SESTD1: variants seen among roughly 807,000 people sequenced by gnomAD.
SESTD1 encodes SEC14 and spectrin domain containing 1.
In SESTD1, 43 loss-of-function variants were observed where a neutral mutation model predicts 101.7. The observed-to-expected ratio is 0.42, with a 90% CI of 0.33 to 0.55. SESTD1 has a LOEUF of 0.55. Among genes scored for constraint, SESTD1 ranks in the 20% least tolerant of loss-of-function variants. The pLI is 0.07. For synonymous variants in SESTD1, 283 were observed against 286.8 expected (o/e 0.99, Z 0.13); for missense variants, 647 against 815.1 (o/e 0.79, Z 2.51).
intron 2 of SESTD1, among the ~76,000 whole-genome samples, chr2:179,185,096 T>C (rs1472491609): frequency 2.6e-5 from 4 of 151,874 alleles, no homozygotes; most frequent in Admixed American, 6.6e-5. Context: ...TCACACACCA[T>C]TGGAAAAAAT....
chr2:179,202,562 T>C, intron 1 of SESTD1, among the ~76,000 whole-genome samples: 1 of 135,100 alleles, frequency 7.4e-6, no homozygotes, highest in East Asian at 2.0e-4. Context: ...ACTTTCTGTG[T>C]CTAATTAAAT....
In SESTD1 at chr2:179,151,377, G is replaced by A. The variant is rs757979382; in HGVS notation, c.384C>T (p.Ser128=). ...CTATATAACGAGTCAATTTGTTGGC[G>A]GACACTAAAATAACCTATAAAAAGG... The part of the protein sequence containing the change: ...DRLGFEVILV[S]ANKLTRYIEP... The change falls in exon 6 of 18, where the codon TCC becomes TCT. Residue 128 remains serine, a synonymous_variant. Coordinates refer to ENST00000428443, the MANE Select transcript of SESTD1 (RefSeq NM_178123.5). The A allele has an allele frequency of 1.7e-5, 27 of 1,593,900 alleles. No individual in the cohort carries two copies. The highest frequency in any genetic ancestry group is 2.3e-5 in the South Asian group (2 of 86,090).
chr2:179,239,039 T>C (rs1236233929), intron 1 of SESTD1, among the ~76,000 whole-genome samples: 1 of 152,200 alleles, frequency 6.6e-6, no homozygotes, highest in Non-Finnish European at 1.5e-5. Context: ...AATGTTTGAT[T>C]TCTCTGCTGT....
chr2:179,115,855 G>A (rs2044619679), intron 15 of SESTD1, among the ~76,000 whole-genome samples: 1 of 151,704 alleles, frequency 6.6e-6, no homozygotes, highest in Non-Finnish European at 1.5e-5. Flanking sequence ...AAATTTCACT[G>A]GCCAGAAAGA....
At chr2:179,222,949 A>T (rs1047294149) in intron 1 of SESTD1, among the ~76,000 whole-genome samples, 2 of 152,180 alleles carry the variant, frequency 1.3e-5, no homozygotes, top group African/African-American at 4.8e-5. Flanking sequence ...ATTAATTTTA[A>T]ATAAACAAAA....
rs1191180928 is a variant in SESTD1, at chr2:179,209,973, G to A, written c.-25-18107C>T. On this transcript the variant is annotated intron_variant, in intron 1 of 17. Transcript: ENST00000428443. The stretch of plus-strand genomic sequence containing the variant: ...ATAGACCATTAATGAAATTAACCAC[G>A]AAAAGTAGAGAGAAGATCCAAATAA... Among the ~76,000 whole-genome samples the A allele has an allele frequency of 7.5e-5, 10 of 133,632 alleles. 2 individuals carry two copies. The highest frequency in any genetic ancestry group is 1.3e-4 in the Non-Finnish European group (8 of 62,284). 87.7% of individuals were successfully genotyped at this position (133,632 alleles called of 152,430 possible).
chr2:179,160,189 G>C (rs1314092613), intron 5 of SESTD1, among the ~76,000 whole-genome samples: 1 of 152,038 alleles, frequency 6.6e-6, no homozygotes, highest in Non-Finnish European at 1.5e-5. Context: ...CATCCTCAGA[G>C]AGCAATTATC....
At chr2:179,260,494 C>T (rs903047989) in intron 1 of SESTD1, among the ~76,000 whole-genome samples, 1 of 152,016 alleles carries the variant, frequency 6.6e-6, no homozygotes, top group Non-Finnish European at 1.5e-5. Flanking sequence ...TCAGCCTGGG[C>T]CACAGAGTGA....
In SESTD1 at chr2:179,151,278, C is replaced by G; in HGVS notation, c.483G>C (p.Leu161=). The G allele has an allele frequency of 6.4e-7, 1 of 1,572,600 alleles. No individual in the cohort carries two copies. Among genetic ancestry groups the G allele is most frequent in the Non-Finnish European group, 8.6e-7 (1 of 1,160,582 alleles). Residue 161 remains leucine (L), a splice_region_variant and synonymous_variant, in exon 6 of 18, where the codon CTG becomes CTC. Transcript: ENST00000428443. ...TTTTATCTCATTGTAATATACCAAC[C>G]AGCCTCTTATTTAACCAGTCCATGT... ...YDHMDWLNKR[L]VFEKFTKEST... is the part of the protein sequence containing the mutation.
chr2:179,153,046 T>C (rs1161419622), intron 5 of SESTD1, among the ~76,000 whole-genome samples: 1 of 152,108 alleles, frequency 6.6e-6, no homozygotes, highest in Non-Finnish European at 1.5e-5. Context: ...AAATAAATAA[T>C]GGTAACAACA....
rs763273401 is a variant in SESTD1, at chr2:179,121,864, A to G, written c.1348T>C (p.Ser450Pro). The change falls in exon 13 of 18, where the codon TCC becomes CCC. Residue 450 changes from serine to proline, a missense_variant. By Grantham distance (74) the Ser-to-Pro change is moderately conservative. Transcript: ENST00000428443. ...GLLDQISNQASWAYGKDVTIE... is the reference protein window; with the variant it reads ...GLLDQISNQAPWAYGKDVTIE... ...GTTACATCCTTTCCATAGGCCCAGGATGCCTGATTGGAGATCTGATCCAGG... is the reference window on the plus strand; with the variant it reads ...GTTACATCCTTTCCATAGGCCCAGGGTGCCTGATTGGAGATCTGATCCAGG... 40 of 1,609,988 alleles carry G rather than the reference A, an allele frequency of 2.5e-5. No homozygotes were observed. Among genetic ancestry groups the G allele is most frequent in the Non-Finnish European group, 3.4e-5 (40 of 1,178,242 alleles).
At chr2:179,173,452 T>G (rs1244125726) in intron 4 of SESTD1, among the ~76,000 whole-genome samples, 2 of 152,218 alleles carry the variant, frequency 1.3e-5, no homozygotes, top group African/African-American at 4.8e-5. Flanking sequence ...CCAGTGTTTA[T>G]GACAAATATC....
At chr2:179,115,599 T>A (rs1057064014) in intron 15 of SESTD1, among the ~76,000 whole-genome samples, 1 of 151,366 alleles carries the variant, frequency 6.6e-6, no homozygotes, top group African/African-American at 2.4e-5. Context: ...ATGAAAAAAA[T>A]TAGTTGAGTT....
chr2:179,165,688 T>C (rs764413454), intron 5 of SESTD1, among the ~76,000 whole-genome samples: 7 of 152,232 alleles, frequency 4.6e-5, no homozygotes, highest in Non-Finnish European at 1.0e-4. Context: ...TGTTGGGGCA[T>C]AGTTTTCCAA....
At chr2:179,176,655 G>T (rs1453948198) in intron 3 of SESTD1, 117 bp from the exon 4 acceptor site, 5 of 637,860 alleles carry the variant, frequency 7.8e-6, no homozygotes, top group Non-Finnish European at 1.3e-5. Flanking sequence ...ATCTCACTTG[G>T]TTTAGTTTAC....
Position 179,151,282 on chromosome 2 carries a change from C to A in SESTD1, c.479G>T (p.Arg160Met). 6.3e-7 allele frequency: 1 copy of A among 1,582,492 alleles called. No homozygotes were observed. The highest frequency in any genetic ancestry group is 1.8e-5 in the Admixed American group (1 of 55,460). The change falls in exon 6 of 18, where the codon AGG becomes ATG. Residue 160 changes from arginine to methionine, a missense_variant. This residue lies in a region of SESTD1 where 168 missense variants were observed against 235.1 expected (regional missense o/e 0.71). Transcript: ENST00000428443. ...ATCTCATTGTAATATACCAACCAGC[C>A]TCTTATTTAACCAGTCCATGTGATC... ...TYDHMDWLNK[R>M]LVFEKFTKES...
chr2:179,242,122 C>G (rs1447204442), intron 1 of SESTD1, among the ~76,000 whole-genome samples: 3 of 152,066 alleles, frequency 2.0e-5, no homozygotes, highest in Non-Finnish European at 2.9e-5. Flanking sequence ...AGTAGAGTCT[C>G]AGGATACAAA....
intron 1 of SESTD1, among the ~76,000 whole-genome samples, chr2:179,259,841 T>C (rs2105562682): frequency 6.6e-6 from 1 of 152,324 alleles, no homozygotes; most frequent in Non-Finnish European, 1.5e-5. Context: ...AATTAACTTG[T>C]CCACAGTCAC....
intron 2 of SESTD1, among the ~76,000 whole-genome samples, chr2:179,191,167 A>C (rs1435397058): frequency 6.6e-6 from 1 of 152,198 alleles, no homozygotes; most frequent in Non-Finnish European, 1.5e-5. Context: ...AAAGACACAG[A>C]ATCAACTTAG....
Sources: gnomAD v4.1 joint callset for allele counts (sites outside exome capture counted in the v4.1 genomes callset) on GRCh38, gnomAD v4.1.1 for gene constraint, gnomAD v4.1.1 regional missense constraint, MANE v1.5 for transcripts, NCBI Gene and HGNC (gene_info 2026-07-23, HGNC 2026-07-21) for gene names.